Variants in ERC1 observed in about 807,000 individuals in gnomAD.
ERC1 encodes RAB6 interacting protein 2.
Under a neutral mutation model 132.0 loss-of-function variants are expected in ERC1, and 56 were observed. The observed-to-expected ratio is 0.42, with a 90% CI of 0.34 to 0.53. The LOEUF (loss-of-function observed/expected upper bound fraction) is 0.53, where lower values mean the gene tolerates loss of function less well. Among genes scored for constraint, ERC1 ranks in the 20% least tolerant of loss-of-function variants. ERC1 has a pLI of 0.03. For missense variants in ERC1, 1,202 were observed against 1,349.9 expected (o/e 0.89, Z 1.72); for synonymous variants, 478 against 476.1 (o/e 1.00, Z -0.05).
chr12:1,149,329 G>A (rs757218763), intron 8 of ERC1, among the ~76,000 whole-genome samples: 12 of 152,012 alleles, frequency 7.9e-5, no homozygotes, highest in Non-Finnish European at 1.5e-4. Context: ...ATTTTGTGTA[G>A]CACCATTGAG....
intron 16 of ERC1, among the ~76,000 whole-genome samples, chr12:1,396,601 A>T (rs1227741157): frequency 1.3e-5 from 2 of 152,242 alleles, no homozygotes; most frequent in Non-Finnish European, 2.9e-5. Flanking sequence ...AAGAAGCTGC[A>T]TAAGCTTTTA....
chr12:1,309,286 T>C (rs1387574978), intron 15 of ERC1, among the ~76,000 whole-genome samples: 1 of 152,184 alleles, frequency 6.6e-6, no homozygotes. Flanking sequence ...AGCTAGTAAT[T>C]TGCACACTGT....
At chr12:1,204,795 A>G (rs1183633066) in intron 12 of ERC1, among the ~76,000 whole-genome samples, 1 of 152,192 alleles carries the variant, frequency 6.6e-6, no homozygotes, top group Non-Finnish European at 1.5e-5. Flanking sequence ...AGAGGAGGGG[A>G]AAAAGAATTG....
At chr12:1,183,702 T>C (rs1446006338) in intron 11 of ERC1, among the ~76,000 whole-genome samples, 1 of 152,170 alleles carries the variant, frequency 6.6e-6, no homozygotes, top group Non-Finnish European at 1.5e-5. Context: ...CTCTGTTACC[T>C]GATATTTTTC....
chr12:1,306,087 C>T (rs985993068), intron 15 of ERC1, among the ~76,000 whole-genome samples: 7 of 152,134 alleles, frequency 4.6e-5, no homozygotes, highest in Non-Finnish European at 1.0e-4. Flanking sequence ...GTTTATTTTT[C>T]CAGTATACTT....
chr12:1,331,557 A>G (rs2082863081), intron 15 of ERC1, among the ~76,000 whole-genome samples: 1 of 152,210 alleles, frequency 6.6e-6, no homozygotes, highest in South Asian at 2.1e-4. Flanking sequence ...CAGAGCCGGT[A>G]GATACCTTGG....
At chr12:1,255,706 C>T (rs574625674) in intron 13 of ERC1, among the ~76,000 whole-genome samples, 2 of 136,722 alleles carry the variant, frequency 1.5e-5, no homozygotes, top group East Asian at 4.7e-4. Flanking sequence ...GATCTCGGCT[C>T]ACTGCAAGTT....
At chr12:1,239,409 C>T (rs1308653029) in intron 13 of ERC1, among the ~76,000 whole-genome samples, 1 of 152,162 alleles carries the variant, frequency 6.6e-6, no homozygotes, top group African/African-American at 2.4e-5. Flanking sequence ...CTCCCCACCA[C>T]TGCGTTGTCA....
At chr12:1,205,472 A>T (rs1265057666) in intron 12 of ERC1, among the ~76,000 whole-genome samples, 1 of 151,656 alleles carries the variant, frequency 6.6e-6, no homozygotes, top group Non-Finnish European at 1.5e-5. Flanking sequence ...TTGACTCAAC[A>T]GCTAGCATAT....
intron 17 of ERC1, among the ~76,000 whole-genome samples, chr12:1,411,869 G>A (rs1427378909): frequency 6.6e-6 from 1 of 151,820 alleles, no homozygotes; most frequent in Non-Finnish European, 1.5e-5. Context: ...CTAGGAAACA[G>A]GCCTATAGGT....
chr12:1,125,554 G>A (rs7488063), intron 7 of ERC1, among the ~76,000 whole-genome samples: 93,293 of 151,896 alleles, frequency 0.61, 30,959 homozygotes, highest in East Asian at 0.87. Flanking sequence ...GGTGGCTCAC[G>A]CCTATAATCC....
rs80014102 is a variant in ERC1, at chr12:1,129,574, G to C, written c.1570-12046G>C. 5.5e-4 allele frequency among the ~76,000 whole-genome samples: 84 copies of C among 152,230 alleles called. 1 individual carries two copies. In the East Asian group the frequency reaches 0.015, roughly 27 times the overall value. ...GGAGAAAAAATACATTACGTGTAAA[G>C]GATTAACAATTAGGCCAACATCAGA... On this transcript the variant is annotated intron_variant, in intron 7 of 18. Transcript: ENST00000360905.
chr12:994,059 T>G (rs1435569941), intron 1 of ERC1, among the ~76,000 whole-genome samples: 1 of 61,020 alleles, frequency 1.6e-5, no homozygotes, highest in Admixed American at 2.7e-4. Flanking sequence ...ACGGCAAAAC[T>G]CCGTCTCAAA....
chr12:1,241,391 A>G (rs1229775525), intron 13 of ERC1, among the ~76,000 whole-genome samples: 2 of 152,152 alleles, frequency 1.3e-5, no homozygotes, highest in African/African-American at 4.8e-5. Flanking sequence ...TATGAATTAC[A>G]TTGAGGAATG....
Position 1,493,531 on chromosome 12 carries a change from T to TAAAAAAAA in ERC1, c.*3312_*3319dup, listed in dbSNP as rs771102189. On this transcript the variant is annotated 3_prime_UTR_variant, in exon 19 of 19. Coordinates refer to ENST00000360905, the MANE Select transcript of ERC1 (RefSeq NM_178040.4). The stretch of plus-strand genomic sequence containing the variant: ...CAGCCTGGGTGACAGAGACTCCATT[T>TAAAAAAAA]AAAAAAAAAAAAAAAAAATATATAT... 6 of 42,364 alleles carry TAAAAAAAA rather than the reference T, an allele frequency of 1.4e-4. 1 individual carries two copies. The highest frequency in any genetic ancestry group is 2.1e-4 in the Non-Finnish European group (5 of 23,826). 2.6% of individuals were successfully genotyped at this position (42,364 alleles called of 1,614,324 possible).
chr12:1,056,745 C>CAGGTAG (rs1489112407), intron 2 of ERC1, among the ~76,000 whole-genome samples: 2 of 152,152 alleles, frequency 1.3e-5, no homozygotes, highest in African/African-American at 4.8e-5. Flanking sequence ...ACCTGGCCCC[C>CAGGTAG]AGGTAGCCGT....
intron 17 of ERC1, among the ~76,000 whole-genome samples, chr12:1,423,108 C>T (rs1409796710): frequency 6.6e-6 from 1 of 152,192 alleles, no homozygotes; most frequent in Non-Finnish European, 1.5e-5. Flanking sequence ...AATCAGAAAC[C>T]ACCAACTAAC....
At chr12:1,366,010 G>A (rs956684841) in intron 15 of ERC1, among the ~76,000 whole-genome samples, 6 of 152,194 alleles carry the variant, frequency 3.9e-5, no homozygotes, top group Non-Finnish European at 7.3e-5. Context: ...GGCACCTACA[G>A]AAGTCACATT....
chr12:1,490,281 A>C lies in ERC1; in HGVS notation c.*51A>C. The stretch of plus-strand genomic sequence containing the variant: ...TAGTCAACCCAGGAGCCAAGAAAAG[A>C]GAACTACGAGGAACAGGTGCCCGGA... On this transcript the variant is annotated 3_prime_UTR_variant, in exon 19 of 19. Coordinates refer to ENST00000360905, the MANE Select transcript of ERC1 (RefSeq NM_178040.4). 6.3e-7 allele frequency: 1 copy of C among 1,582,472 alleles called. No homozygotes were observed. Among genetic ancestry groups the C allele is most frequent in the Non-Finnish European group, 8.6e-7 (1 of 1,160,030 alleles).
Sources: gnomAD v4.1 joint callset for allele counts (sites outside exome capture counted in the v4.1 genomes callset) on GRCh38, gnomAD v4.1.1 for gene constraint, MANE v1.5 for transcripts, NCBI Gene and HGNC (gene_info 2026-07-23, HGNC 2026-07-21) for gene names.